The following CNKSR2 variants were observed in gnomAD, a reference collection of about 807,000 sequenced individuals.
The protein encoded by CNKSR2 is CNK homolog protein 2.
In CNKSR2, 14 loss-of-function variants were observed where a neutral mutation model predicts 84.4. That is an observed-to-expected ratio of 0.17 (90% CI 0.11 to 0.26). The LOEUF (loss-of-function observed/expected upper bound fraction) is 0.26, where lower values mean the gene tolerates loss of function less well. Among genes scored for constraint, CNKSR2 ranks in the 10% least tolerant of loss-of-function variants. The pLI is 1.00. For synonymous variants in CNKSR2, 275 were observed against 277.9 expected (o/e 0.99, Z 0.10); for missense variants, 485 against 771.2 (o/e 0.63, Z 4.40).
chrX:21,479,044 C>T (rs1467661042), intron 5 of CNKSR2, among the ~76,000 whole-genome samples: 1 of 111,586 alleles, frequency 9.0e-6, no homozygotes, highest in Non-Finnish European at 1.9e-5. Context: ...TCATTTCTTA[C>T]CCCTTACCCC....
chrX:21,485,922 G>A (rs1293632080), intron 5 of CNKSR2, among the ~76,000 whole-genome samples: 1 of 111,559 alleles, frequency 9.0e-6, no homozygotes, highest in Non-Finnish European at 1.9e-5. Context: ...ATTACCTAAG[G>A]TCAGGAGTTA....
intron 20 of CNKSR2, among the ~76,000 whole-genome samples, chrX:21,641,332 G>T (rs907835198): frequency 4.5e-5 from 5 of 111,721 alleles, no homozygotes; most frequent in Admixed American, 1.9e-4. Context: ...AAAGCAAAAG[G>T]TGTCCCATTT....
intron 20 of CNKSR2, among the ~76,000 whole-genome samples, chrX:21,624,246 G>T (rs1427524973): frequency 2.7e-5 from 3 of 111,810 alleles, no homozygotes; most frequent in Non-Finnish European, 3.8e-5. Context: ...TGTTTTACTT[G>T]ACAGTCAGCA....
chrX:21,533,516 T>C (rs1336222886), intron 11 of CNKSR2, among the ~76,000 whole-genome samples: 1 of 111,126 alleles, frequency 9.0e-6, no homozygotes, highest in Non-Finnish European at 1.9e-5. Flanking sequence ...AAGTGATTGA[T>C]TACTGATGAC....
chrX:21,637,872 T>A (rs1346390375), intron 20 of CNKSR2, among the ~76,000 whole-genome samples: 1 of 111,638 alleles, frequency 9.0e-6, no homozygotes, highest in East Asian at 2.8e-4. Context: ...ACAATTCTAC[T>A]CTCCCAGGAG....
intron 11 of CNKSR2, among the ~76,000 whole-genome samples, chrX:21,546,026 A>C (rs2092022095): frequency 9.0e-6 from 1 of 111,211 alleles, no homozygotes; most frequent in Non-Finnish European, 1.9e-5. Flanking sequence ...CTTCCAGAGG[A>C]TCACAACTCC....
intron 20 of CNKSR2, among the ~76,000 whole-genome samples, chrX:21,641,373 A>G (rs937429039): frequency 2.0e-4 from 22 of 112,131 alleles, no homozygotes; most frequent in African/African-American, 5.8e-4. Flanking sequence ...GCCAACAGAA[A>G]GACATTGTAT....
At chrX:21,550,769 C>T (rs1364017869) in intron 11 of CNKSR2, among the ~76,000 whole-genome samples, 1 of 111,337 alleles carries the variant, frequency 9.0e-6, no homozygotes, top group African/African-American at 3.3e-5. Flanking sequence ...GGCACAGGGG[C>T]TCACGCCTGT....
intron 8 of CNKSR2, 90 bp downstream of exon 8, chrX:21,501,678 T>A: frequency 2.4e-6 from 1 of 423,926 alleles, no homozygotes; most frequent in Non-Finnish European, 4.0e-6. Context: ...AAATTCCTGT[T>A]TGTATACAAA....
intron 2 of CNKSR2, chrX:21,429,924 A>G (rs2090613255): frequency 8.9e-6 from 1 of 111,908 alleles, no homozygotes. Flanking sequence ...ATAAATTTTA[A>G]AAATTAAAAA....
chrX:21,625,296 A>G (rs2092618380), intron 20 of CNKSR2, among the ~76,000 whole-genome samples: 1 of 112,207 alleles, frequency 8.9e-6, no homozygotes, highest in African/African-American at 3.2e-5. Flanking sequence ...TGGTTATGTC[A>G]CAATCATATT....
chrX:21,635,379 TGTGTGTGTG>T (rs2092666142), intron 20 of CNKSR2, among the ~76,000 whole-genome samples: 1 of 40,905 alleles, frequency 2.4e-5, no homozygotes, highest in Non-Finnish European at 3.8e-5. Flanking sequence ...CTAAAATAAA[TGTGTGTGTG>T]TGTGTGTGTG....
intron 13 of CNKSR2, among the ~76,000 whole-genome samples, chrX:21,576,253 C>T (rs769636575): frequency 1.8e-5 from 2 of 112,058 alleles, no homozygotes; most frequent in Non-Finnish European, 3.8e-5. Flanking sequence ...TCAAACTAGA[C>T]ATCAGTAACA....
chrX:21,575,369 C>T (rs1356880966), intron 13 of CNKSR2, among the ~76,000 whole-genome samples: 19 of 110,366 alleles, frequency 1.7e-4, no homozygotes, highest in Non-Finnish European at 3.6e-4. Context: ...TCCTATCCCC[C>T]CATATTCTCA....
chrX:21,431,370 G>A (rs183235044), intron 2 of CNKSR2, among the ~76,000 whole-genome samples: 2 of 111,211 alleles, frequency 1.8e-5, no homozygotes, highest in East Asian at 2.8e-4. Flanking sequence ...AGACATATCC[G>A]CTCACAGATG....
chrX:21,407,482 T>C (rs982167381), intron 1 of CNKSR2, among the ~76,000 whole-genome samples: 10 of 111,101 alleles, frequency 9.0e-5, no homozygotes, highest in Non-Finnish European at 1.3e-4. Flanking sequence ...TCTAGTTTCT[T>C]TTTCTTTTTC....
At chrX:21,387,274 G>A (rs2089982949) in intron 1 of CNKSR2, among the ~76,000 whole-genome samples, 1 of 111,441 alleles carries the variant, frequency 9.0e-6, no homozygotes, top group South Asian at 3.8e-4. Flanking sequence ...TTGAGCTCAG[G>A]AGGTCGAGAT....
At position 21,408,092 on chromosome X, in the gene CNKSR2, T is replaced by C. The variant is rs768052987; in HGVS notation, c.65-18405T>C. On this transcript the variant is annotated intron_variant, in intron 1 of 21. Transcript: ENST00000379510. ...GGAGCATTTTGATCCAACTATGCAT[T>C]TTAAATAGAAAGATAATATTCATCT... Among the ~76,000 whole-genome samples, 3 of 112,024 alleles carry C rather than the reference T, an allele frequency of 2.7e-5. No homozygotes were observed. In the South Asian group the frequency reaches 1.1e-3, roughly 41 times the overall value.
In CNKSR2 at chrX:21,374,630, A is replaced by AGCAGCAGCCGCCGCC. The variant is rs547454548; in HGVS notation, c.-266_-265insAGCAGCCGCCGCCGC. On this transcript the variant is annotated 5_prime_UTR_variant, in exon 1 of 22. Coordinates refer to ENST00000379510, the MANE Select transcript of CNKSR2 (RefSeq NM_014927.5). ...CAGCAGCAGCAGCAGCAGCAGCAGC[A>AGCAGCAGCCGCCGCC]GCCGCCGCCGCCGCCGCCTTAGCGG... 77 of 445,340 alleles carry AGCAGCAGCCGCCGCC rather than the reference A, an allele frequency of 1.7e-4. 1 individual carries two copies. In the South Asian group the frequency reaches 1.8e-3, roughly 11 times the overall value. The allele number at this position is 445,340 out of a possible 1,213,427, so 36.7% of individuals were successfully genotyped here. A position where few individuals can be genotyped will look rare whatever the true frequency, so the allele number is the denominator to read the frequency against.
Sources: allele counts gnomAD v4.1 joint callset (sites outside exome capture counted in the v4.1 genomes callset), GRCh38; gene constraint gnomAD v4.1.1; transcripts MANE v1.5; gene names NCBI Gene and HGNC (gene_info 2026-07-23, HGNC 2026-07-21).